The following PTPRN2 variants were observed in gnomAD, a reference collection of about 807,000 sequenced individuals.
The protein encoded by PTPRN2 is receptor-type tyrosine-protein phosphatase N2.
A neutral mutation model predicts 118.8 loss-of-function variants in PTPRN2; 74 were observed. The ratio of observed to expected loss-of-function variants is 0.62; its 90% CI spans 0.52 to 0.76. The LOEUF (loss-of-function observed/expected upper bound fraction) is 0.76. Ranked by LOEUF, PTPRN2 falls within the 30% of genes least tolerant of loss-of-function variation. The pLI is 0.00. For missense variants in PTPRN2, 1,481 were observed against 1,394.4 expected, an observed-to-expected ratio of 1.06 and a Z score of -0.99; for synonymous variants, 641 against 608.0, an observed-to-expected ratio of 1.05 and a Z score of -0.80.
At chr7:158,294,055 G>C (rs1434413404) in intron 3 of PTPRN2, among the ~76,000 whole-genome samples, 2 of 152,340 alleles carry the variant, frequency 1.3e-5, no homozygotes, top group Middle Eastern at 3.4e-3. Flanking sequence ...AGCTAGACTA[G>C]ACTTTCATAC....
At chr7:158,474,429 CA>C (rs776050418) in intron 2 of PTPRN2, among the ~76,000 whole-genome samples, 5 of 152,240 alleles carry the variant, frequency 3.3e-5, no homozygotes, top group Non-Finnish European at 7.3e-5. Context: ...CTTATCCTCT[CA>C]AATCTCTGAA....
At chr7:157,946,920 C>A (rs115558740) in intron 11 of PTPRN2, among the ~76,000 whole-genome samples, 2 of 152,166 alleles carry the variant, frequency 1.3e-5, no homozygotes, top group Non-Finnish European at 2.9e-5. Context: ...TGCCTTGAAT[C>A]GTCTGAGGGT....
intron 6 of PTPRN2, among the ~76,000 whole-genome samples, chr7:158,155,690 A>T (rs1821731303): frequency 6.6e-6 from 1 of 151,736 alleles, no homozygotes; most frequent in Non-Finnish European, 1.5e-5. Flanking sequence ...CACCATCACC[A>T]TCAGCACTAT....
chr7:158,461,491 G>T (rs866380898), intron 2 of PTPRN2, among the ~76,000 whole-genome samples: 6 of 111,328 alleles, frequency 5.4e-5, no homozygotes, highest in Middle Eastern at 4.8e-3. Context: ...GCGAGACTCC[G>T]TCTCAAAAAA....
intron 3 of PTPRN2, among the ~76,000 whole-genome samples, chr7:158,266,061 G>A (rs887247642): frequency 5.9e-5 from 9 of 151,540 alleles, no homozygotes; most frequent in Admixed American, 1.3e-4. Context: ...GGCTGGGGAC[G>A]GCGTCTGCTG....
At chr7:157,579,566 C>T (rs933273210) in intron 17 of PTPRN2, among the ~76,000 whole-genome samples, 1 of 152,196 alleles carries the variant, frequency 6.6e-6, no homozygotes, top group Non-Finnish European at 1.5e-5. Context: ...AATCATCCGG[C>T]ACTCGGCTCC....
chr7:157,650,641 C>T (rs1805590366), intron 14 of PTPRN2, among the ~76,000 whole-genome samples: 1 of 152,236 alleles, frequency 6.6e-6, no homozygotes, highest in South Asian at 2.1e-4. Flanking sequence ...CTGTGCCCGT[C>T]AACCACGTGG....
chr7:158,523,400 ATCTGCCCTGGAGCGGAG>A (rs1563392294), intron 1 of PTPRN2, among the ~76,000 whole-genome samples: 3 of 57,352 alleles, frequency 5.2e-5, no homozygotes, highest in Non-Finnish European at 7.9e-5. Flanking sequence ...GAGCGGAGTC[ATCTGCCCTGGAGCGGAG>A]TCTGCCCTGA....
chr7:157,642,201 T>C (rs1426102937), intron 14 of PTPRN2, among the ~76,000 whole-genome samples: 1 of 152,220 alleles, frequency 6.6e-6, no homozygotes, highest in Non-Finnish European at 1.5e-5. Context: ...AAATTGGCTG[T>C]AAGCCTCTTA....
chr7:158,042,363 G>A (rs926213581), intron 11 of PTPRN2, among the ~76,000 whole-genome samples: 3 of 152,110 alleles, frequency 2.0e-5, no homozygotes, highest in South Asian at 2.1e-4. Context: ...GAGCCGCTTC[G>A]GAGCAAAGCC....
At chr7:157,930,190 G>T (rs1053830128) in intron 11 of PTPRN2, among the ~76,000 whole-genome samples, 32 of 152,322 alleles carry the variant, frequency 2.1e-4, no homozygotes, top group African/African-American at 7.7e-4. Flanking sequence ...GCAGGTTCCA[G>T]GGTGGGAGCT....
intron 2 of PTPRN2, among the ~76,000 whole-genome samples, chr7:158,486,965 C>T (rs2335163): frequency 0.19 from 29,063 of 152,104 alleles, 3,250 homozygotes; most frequent in East Asian, 0.41. Flanking sequence ...CCCCATCACT[C>T]TACCTTCTGT....
intron 12 of PTPRN2, among the ~76,000 whole-genome samples, chr7:157,823,823 A>G (rs1378157850): frequency 6.6e-6 from 1 of 152,214 alleles, no homozygotes; most frequent in Non-Finnish European, 1.5e-5. Context: ...TTCCCTAAGC[A>G]TGAAAATTTT....
chr7:158,414,873 T>C (rs1190969521), intron 2 of PTPRN2, among the ~76,000 whole-genome samples: 2 of 151,986 alleles, frequency 1.3e-5, no homozygotes, highest in East Asian at 3.9e-4. Context: ...CTACCAGTCA[T>C]CCACATGAGG....
chr7:158,245,484 G>A (rs1169313880), intron 3 of PTPRN2, among the ~76,000 whole-genome samples: 5 of 152,136 alleles, frequency 3.3e-5, no homozygotes, highest in African/African-American at 1.2e-4. Context: ...ACTTCTCATA[G>A]AGCGCATGGG....
At chr7:157,678,152 G>A (rs2150798626) in intron 13 of PTPRN2, among the ~76,000 whole-genome samples, 1 of 152,302 alleles carries the variant, frequency 6.6e-6, no homozygotes, top group South Asian at 2.1e-4. Flanking sequence ...ATTTGGCACA[G>A]TTTTCACAGG....
chr7:158,294,799 G>A (rs1419088119), intron 3 of PTPRN2, among the ~76,000 whole-genome samples: 1 of 152,206 alleles, frequency 6.6e-6, no homozygotes, highest in African/African-American at 2.4e-5. Flanking sequence ...CAAGCCCACG[G>A]CACCCGCTGA....
chr7:158,521,612 TAGTG>T (rs1563387431), intron 1 of PTPRN2, among the ~76,000 whole-genome samples: 12 of 119,778 alleles, frequency 1.0e-4, no homozygotes, highest in Non-Finnish European at 1.4e-4. Context: ...ACTGTCCAGG[TAGTG>T]GCTCAGGAGG....
chr7:158,462,217 T>C (rs894124503), intron 2 of PTPRN2, among the ~76,000 whole-genome samples: 7 of 152,296 alleles, frequency 4.6e-5, no homozygotes, highest in Admixed American at 1.3e-4. Flanking sequence ...GGAGTTTGGG[T>C]GAGCTTGTTT....
Sources: allele counts gnomAD v4.1 joint callset (sites outside exome capture counted in the v4.1 genomes callset), GRCh38; gene constraint gnomAD v4.1.1; transcripts MANE v1.5; gene names NCBI Gene and HGNC (gene_info 2026-07-23, HGNC 2026-07-21).